The following COQ8B variants were observed in gnomAD, a reference collection of about 807,000 sequenced individuals.
COQ8B encodes the protein coenzyme Q8B.
In COQ8B, 44 loss-of-function variants were observed where a neutral mutation model predicts 62.0. The observed-to-expected ratio is 0.71, with a 90% confidence interval of 0.56 to 0.91. COQ8B has a LOEUF of 0.91. Among genes scored for constraint, COQ8B ranks in the 40% least tolerant of loss-of-function variants. The pLI, the probability that COQ8B is intolerant of heterozygous loss-of-function variation, is 0.00. For missense variants in COQ8B, 649 were observed against 731.6 expected (o/e 0.89, Z 1.30); for synonymous variants, 252 against 289.9 (o/e 0.87, Z 1.33).
intron 7 of COQ8B, 29 bp from the exon 8 acceptor site, chr19:40,703,884 T>C (rs1175084639): frequency 6.3e-6 from 10 of 1,586,998 alleles, no homozygotes; most frequent in Middle Eastern, 1.7e-4. Context: ...GCCATCATCA[T>C]TGTGGCAGAG....
intron 3 of COQ8B, 66 bp downstream of exon 3, chr19:40,714,212 C>T (rs2082166441): frequency 6.2e-7 from 1 of 1,606,122 alleles, no homozygotes; most frequent in Non-Finnish European, 8.5e-7. Context: ...CCACCACACC[C>T]TTCCCCAAGC....
In COQ8B at chr19:40,700,682, C is replaced by T. The variant is rs373491251; in HGVS notation, c.894-231G>A. The T allele has an allele frequency of 2.0e-4, 108 of 531,240 alleles. 1 individual carries two copies. The East Asian group carries it at 2.8e-3, about 14-fold the overall frequency. 32.9% of individuals were successfully genotyped at this position (531,240 alleles called of 1,614,324 possible). ...TCTGCACCTGCCTCTCAACTGGGTG[C>T]TGCTGGAAACCCAGTCACCACTTCC... On this transcript the variant is annotated intron_variant, in intron 10 of 14. Coordinates refer to ENST00000324464, the MANE Select transcript of COQ8B (RefSeq NM_024876.4).
intron 14 of COQ8B, among the ~76,000 whole-genome samples, chr19:40,692,708 CT>C (rs1283869568): frequency 1.3e-5 from 2 of 151,986 alleles, no homozygotes; most frequent in Non-Finnish European, 2.9e-5. Flanking sequence ...AGGCAGCCAC[CT>C]CCCCCCACTC....
At chr19:40,695,649 CT>C (rs1003069496) in intron 13 of COQ8B, among the ~76,000 whole-genome samples, 2 of 152,114 alleles carry the variant, frequency 1.3e-5, no homozygotes, top group Admixed American at 1.3e-4. Flanking sequence ...AGCTTGGGCT[CT>C]GGACCTGGAC....
rs370082401 is a variant in COQ8B, at chr19:40,703,737, G to A, written c.695C>T (p.Thr232Met). ...QVHQGLLRDG[T>M]EVAVKIQYPG... Reference sequence around the variant, plus strand: ...CACCTGGATCTTCACGGCCACCTCCGTCCCGTCCCTCAGCAGGCCCTGGTG... The same window carrying A: ...CACCTGGATCTTCACGGCCACCTCCATCCCGTCCCTCAGCAGGCCCTGGTG... Residue 232 changes from threonine to methionine, a missense_variant, in exon 8 of 15, where the codon ACG becomes ATG. Physicochemically the swap from Thr to Met is moderately conservative, Grantham distance 81. Transcript: ENST00000324464. 9.3e-6 allele frequency: 15 copies of A among 1,614,030 alleles called. No individual in the cohort carries two copies. The highest frequency in any genetic ancestry group is 6.7e-5 in the African/African-American group (5 of 75,024).
intron 12 of COQ8B, among the ~76,000 whole-genome samples, chr19:40,696,810 T>G (rs1220050107): frequency 2.0e-5 from 3 of 152,232 alleles, no homozygotes; most frequent in African/African-American, 7.2e-5. Flanking sequence ...CATTTCTATA[T>G]TTTCTATGTA....
In COQ8B at chr19:40,714,085, G is replaced by A. The variant is rs754975339; in HGVS notation, c.271C>T (p.Arg91Cys). 17 of 1,614,084 alleles carry A rather than the reference G, an allele frequency of 1.1e-5. No individual in the cohort carries two copies. Among genetic ancestry groups the A allele is most frequent in the Non-Finnish European group, 1.4e-5 (17 of 1,180,018 alleles). The change falls in exon 4 of 15, where the codon CGC becomes TGC. Residue 91 changes from arginine (R) to cysteine (C), a missense_variant. By Grantham distance (180) the Arg-to-Cys change is radical (BLOSUM62 -3). Transcript: ENST00000324464. ...CACCTACCCCCAAAGTTGGCCAAGCGGCTGATGCGGGAGGCAGGCACCTTG... is the reference window on the plus strand; with the variant it reads ...CACCTACCCCCAAAGTTGGCCAAGCAGCTGATGCGGGAGGCAGGCACCTTG... ...ERKVPASRIS[R>C]LANFGGLAVG...
chr19:40,700,793 T>C (rs893519599), intron 10 of COQ8B: 8 of 258,022 alleles, frequency 3.1e-5, no homozygotes, highest in African/African-American at 1.5e-4. Context: ...TTTTCATTAA[T>C]TTATTAATTC....
rs374572828 is a variant in COQ8B at position 40,703,684 on chromosome 19, C to G, written c.717+31G>C. The G allele has an allele frequency of 4.3e-5, 70 of 1,613,812 alleles. 1 individual carries two copies. In the South Asian group the frequency reaches 7.1e-4, roughly 16 times the overall value. ...CACTTCTCTGGGCTAGCAGGGTGCCCGCCCCTACCCTGCCCAGCCTCCCCT... is the reference window on the plus strand; with the variant it reads ...CACTTCTCTGGGCTAGCAGGGTGCCGGCCCCTACCCTGCCCAGCCTCCCCT... On this transcript the variant is annotated intron_variant, in intron 8 of 14. Coordinates refer to ENST00000324464, the MANE Select transcript of COQ8B (RefSeq NM_024876.4).
chr19:40,701,631 C>T (rs534871052), intron 10 of COQ8B, among the ~76,000 whole-genome samples: 4 of 152,274 alleles, frequency 2.6e-5, no homozygotes, highest in South Asian at 4.1e-4. Flanking sequence ...GGCATTTAAT[C>T]GGCACACTCC....
intron 1 of COQ8B, 90 bp from the exon 2 acceptor site, chr19:40,714,725 T>C: frequency 7.5e-7 from 1 of 1,339,908 alleles, no homozygotes; most frequent in Non-Finnish European, 1.0e-6. Flanking sequence ...CCTCTCTCAT[T>C]CCCACCCACT....
intron 4 of COQ8B, among the ~76,000 whole-genome samples, chr19:40,711,002 A>G (rs556137324): frequency 6.6e-6 from 1 of 152,010 alleles, no homozygotes; most frequent in Non-Finnish European, 1.5e-5. Flanking sequence ...GTGGTGGTGC[A>G]TGCCTGTAAT....
At position 40,705,192 on chromosome 19, in the gene COQ8B, A is replaced by G; in HGVS notation, c.491-11T>C. ...TGATGAAGCTGTTGTCTTGGGAGAC[A>G]GTGGAACCAGGGGGGAAGTAAGCGA... On this transcript the variant is annotated splice_polypyrimidine_tract_variant and intron_variant, in intron 6 of 14. Transcript: ENST00000324464. The G allele has an allele frequency of 1.9e-6, 3 of 1,612,822 alleles. No individual in the cohort carries two copies. The highest frequency in any genetic ancestry group is 1.1e-5 in the South Asian group (1 of 90,890).
At chr19:40,697,319 G>A (rs1206066736) in intron 12 of COQ8B, among the ~76,000 whole-genome samples, 1 of 152,034 alleles carries the variant, frequency 6.6e-6, no homozygotes, top group African/African-American at 2.4e-5. Flanking sequence ...TCACTACGTT[G>A]CCCAGACTGG....
intron 13 of COQ8B, 140 bp from the exon 14 acceptor site, chr19:40,693,177 T>G (rs760774926): frequency 1.5e-6 from 1 of 663,830 alleles, no homozygotes; most frequent in Non-Finnish European, 2.6e-6. Context: ...GGAAGCTTCC[T>G]GCTCCCAACT....
rs1326296716 is a variant in COQ8B at position 40,702,641 on chromosome 19, C to T, written c.852G>A (p.Glu284=). The T allele has an allele frequency of 7.4e-6, 12 of 1,612,240 alleles. No individual in the cohort carries two copies. The highest frequency in any genetic ancestry group is 2.7e-5 in the African/African-American group (2 of 74,910). ...LQALQQELAW[E]CDYRREAACA... is the part of the protein sequence containing the mutation. Reference sequence around the variant, plus strand: ...AAGCCGCCTCACGACGGTAGTCACACTCCCAAGCCAGCTCCTGCTGCAAGG... The same window carrying T: ...AAGCCGCCTCACGACGGTAGTCACATTCCCAAGCCAGCTCCTGCTGCAAGG... Residue 284 remains glutamate, a synonymous_variant, in exon 10 of 15, where the codon GAG becomes GAA. Coordinates refer to ENST00000324464, the MANE Select transcript of COQ8B (RefSeq NM_024876.4).
At position 40,692,277 on chromosome 19, in the gene COQ8B, G is replaced by C. The variant is rs752584589; in HGVS notation, c.1393C>G (p.Arg465Gly). The change falls in exon 15 of 15, where the codon CGC (arginine) becomes GGC (glycine). Residue 465 changes from arginine to glycine, a missense_variant. Coordinates refer to ENST00000324464, the MANE Select transcript of COQ8B (RefSeq NM_024876.4). ...YDFGSGETAR[R>G]IQDLIPVLLR... ...AGCACCGGGATGAGGTCCTGTATGC[G>C]GCGGGCCGTTTCCCCCGACCCAAAG... 6.2e-7 allele frequency: 1 copy of C among 1,613,390 alleles called. No homozygotes were observed. The highest frequency in any genetic ancestry group is 8.5e-7 in the Non-Finnish European group (1 of 1,179,754).
chr19:40,713,916 T>G, intron 4 of COQ8B, 151 bp downstream of exon 4: 1 of 762,890 alleles, frequency 1.3e-6, no homozygotes, highest in Non-Finnish European at 2.1e-6. Context: ...TTCCTCTTGA[T>G]TTCTCTTGGC....
At chr19:40,705,582 G>A (rs1292993479) in intron 5 of COQ8B, 135 bp from the exon 6 acceptor site, 2 of 916,064 alleles carry the variant, frequency 2.2e-6, no homozygotes, top group East Asian at 5.7e-5. Flanking sequence ...ACCAGTCTGG[G>A]CAACAGTGAC....
Sources: allele counts gnomAD v4.1 joint callset (sites outside exome capture counted in the v4.1 genomes callset), GRCh38; gene constraint gnomAD v4.1.1; transcripts MANE v1.5; gene names NCBI Gene and HGNC (gene_info 2026-07-23, HGNC 2026-07-21).